The following SMCO2 variants were observed in gnomAD, a reference collection of about 807,000 sequenced individuals.
The protein encoded by SMCO2 is single-pass membrane protein with coiled-coil domains 2.
Under a neutral mutation model 29.5 loss-of-function variants are expected in SMCO2, and 25 were observed. That is an observed-to-expected ratio of 0.85 (90% CI 0.62 to 1.18). The LOEUF is 1.18. SMCO2 is among the 50% of genes most tolerant of loss of function. The probability of loss-of-function intolerance (pLI) is 0.00; values close to 1 mark genes in which losing one functional copy is unlikely to be tolerated. For synonymous variants in SMCO2, 117 were observed against 123.3 expected, an observed-to-expected ratio of 0.95 and a Z score of 0.34; for missense variants, 348 against 344.5, an observed-to-expected ratio of 1.01 and a Z score of -0.08.
the SMCO2 span, among the ~76,000 whole-genome samples, chr12:27,432,391 G>T: frequency 4.6e-5 from 7 of 152,106 alleles, no homozygotes; most frequent in Non-Finnish European, 8.8e-5. Context: ...TTTAACAAAT[G>T]CCATGAAATA....
At chr12:27,491,935 C>T (rs1206689503) in intron 5 of SMCO2, among the ~76,000 whole-genome samples, 1 of 151,994 alleles carries the variant, frequency 6.6e-6, no homozygotes, top group Non-Finnish European at 1.5e-5. Flanking sequence ...GTCTTGAACT[C>T]CCGACCTCAA....
chr12:27,427,889 A>G, the SMCO2 span, among the ~76,000 whole-genome samples: 5 of 152,206 alleles, frequency 3.3e-5, no homozygotes, highest in Admixed American at 2.6e-4. Flanking sequence ...CAGAGTTTGA[A>G]GGTGAGAGTT....
At chr12:27,489,856 G>A (rs1565681147) in intron 5 of SMCO2, among the ~76,000 whole-genome samples, 1 of 152,152 alleles carries the variant, frequency 6.6e-6, no homozygotes, top group Non-Finnish European at 1.5e-5. Flanking sequence ...CCAACTGTTA[G>A]TATTACAAAA....
chr12:27,446,546 C>T, the SMCO2 span: 2 of 152,186 alleles, frequency 1.3e-5, no homozygotes, highest in Non-Finnish European at 1.5e-5. Context: ...TGATCAACTT[C>T]CACTCTGAAA....
chr12:27,501,773 T>C, intron 7 of SMCO2, 150 bp from the exon 9 acceptor site: 1 of 594,980 alleles, frequency 1.7e-6, no homozygotes, highest in Non-Finnish European at 2.8e-6. Flanking sequence ...TGCTCCTCCA[T>C]TCCAAGCTGC....
At chr12:27,501,049 G>T (rs1387859574) in intron 7 of SMCO2, among the ~76,000 whole-genome samples, 3 of 150,500 alleles carry the variant, frequency 2.0e-5, no homozygotes, top group African/African-American at 7.5e-5. Context: ...AAATAATAAT[G>T]CAAGGACTTA....
chr12:27,480,799 A>T (rs1949636158), intron 4 of SMCO2, among the ~76,000 whole-genome samples: 1 of 152,150 alleles, frequency 6.6e-6, no homozygotes, highest in Non-Finnish European at 1.5e-5. Context: ...GGCCCTTACC[A>T]GGAGCCAAGC....
chr12:27,449,833 C>G, the SMCO2 span, among the ~76,000 whole-genome samples: 1 of 152,132 alleles, frequency 6.6e-6, no homozygotes, highest in African/African-American at 2.4e-5. Context: ...ATTAGAGAAC[C>G]AAAAGGAGGG....
At chr12:27,470,809 A>C (rs773242213) in intron 2 of SMCO2, 44 bp downstream of exon 2, 13 of 1,541,166 alleles carry the variant, frequency 8.4e-6, no homozygotes, top group Non-Finnish European at 1.1e-5. Context: ...TAGGGTCCCA[A>C]CTGCAGACGT....
At chr12:27,495,432 A>G (rs1388493778) in intron 6 of SMCO2, among the ~76,000 whole-genome samples, 1 of 150,588 alleles carries the variant, frequency 6.6e-6, no homozygotes, top group Non-Finnish European at 1.5e-5. Flanking sequence ...TACATTAATA[A>G]TCTAGTGGTT....
chr12:27,455,786 A>G, the SMCO2 span, among the ~76,000 whole-genome samples: 1 of 152,264 alleles, frequency 6.6e-6, no homozygotes. Context: ...TTATGTTGTG[A>G]AATATTATGC....
chr12:27,497,904 A>G (rs2135580954), intron 7 of SMCO2: 2 of 349,058 alleles, frequency 5.7e-6, no homozygotes. Context: ...ATTGGTTGGT[A>G]TGATCCTAAA....
exon 3 of SMCO2, chr12:27,472,815 C>A (rs1313368852): frequency 1.3e-6 from 2 of 1,550,720 alleles, no homozygotes; most frequent in African/African-American, 2.7e-5. Context: ...ACATCTTAGA[C>A]AGATCGGATG....
intron 4 of SMCO2, 71 bp from the exon 6 acceptor site, chr12:27,488,389 G>T: frequency 9.5e-7 from 1 of 1,051,388 alleles, no homozygotes; most frequent in South Asian, 2.5e-5. Context: ...ATTTTTGAAA[G>T]ATCAAAATTA....
chr12:27,487,272 CAT>C (rs1217856460), intron 4 of SMCO2, among the ~76,000 whole-genome samples: 10 of 152,212 alleles, frequency 6.6e-5, no homozygotes, highest in African/African-American at 2.4e-4. Context: ...ATCTGTTCCA[CAT>C]GTCTATAATT....
chr12:27,491,327 G>A (rs1949733282), intron 5 of SMCO2, among the ~76,000 whole-genome samples: 1 of 150,438 alleles, frequency 6.6e-6, no homozygotes, highest in Non-Finnish European at 1.5e-5. Context: ...GCCTAATATT[G>A]AGCCCCCAAG....
the SMCO2 span, among the ~76,000 whole-genome samples, chr12:27,428,253 T>C: frequency 1.3e-5 from 2 of 152,204 alleles, no homozygotes; most frequent in African/African-American, 4.8e-5. Flanking sequence ...GGAGGGGCTG[T>C]TAGCATCTTT....
intron 4 of SMCO2, among the ~76,000 whole-genome samples, chr12:27,486,374 C>T (rs1262895480): frequency 3.9e-5 from 6 of 152,204 alleles, no homozygotes; most frequent in Non-Finnish European, 8.8e-5. Context: ...GACTTGAAGT[C>T]GGGAAACTCT....
chr12:27,471,637 C>CATTTGTTT (rs1949542208), intron 2 of SMCO2, among the ~76,000 whole-genome samples: 1 of 152,150 alleles, frequency 6.6e-6, no homozygotes, highest in Non-Finnish European at 1.5e-5. Flanking sequence ...TGGGCAAAGA[C>CATTTGTTT]TATCAACACA....
Sources: gnomAD v4.1 joint callset for allele counts (sites outside exome capture counted in the v4.1 genomes callset) on GRCh38, gnomAD v4.1.1 for gene constraint, MANE v1.5 for transcripts, NCBI Gene and HGNC (gene_info 2026-07-23, HGNC 2026-07-21) for gene names.